FDFT1: variants seen among roughly 807,000 people sequenced by gnomAD.
FDFT1 encodes squalene synthase.
FDFT1 carries 68 observed loss-of-function variants against 46.8 expected under a neutral mutation model. The ratio of observed to expected loss-of-function variants is 1.45; its 90% CI spans 1.19 to 1.78. The LOEUF (loss-of-function observed/expected upper bound fraction) is 1.78, where lower values mean the gene tolerates loss of function less well. Ranked by LOEUF, FDFT1 falls within the 40% of genes most tolerant of loss-of-function variation. FDFT1 has a pLI of 0.00. For missense variants in FDFT1, 928 were observed against 524.4 expected (o/e 1.77, Z -7.52); for synonymous variants, 351 against 185.1 (o/e 1.90, Z -7.28).
At chr8:11,797,638 C>CAAAAAA (rs34350077), upstream of FDFT1, among the ~76,000 whole-genome samples, 25 of 75,456 alleles carry the variant, frequency 3.3e-4, no homozygotes, top group South Asian at 1.3e-3. Context: ...CACACACACT[C>CAAAAAA]AAAAAAAAAA....
intron 5 of FDFT1, among the ~76,000 whole-genome samples, chr8:11,828,747 G>C (rs1810361007): frequency 6.6e-6 from 1 of 152,246 alleles, no homozygotes; most frequent in African/African-American, 2.4e-5. Flanking sequence ...ACATTTCGTA[G>C]TAGTTGAATC....
chr8:11,822,160 A>C (rs2130815088), intron 4 of FDFT1, among the ~76,000 whole-genome samples: 1 of 152,364 alleles, frequency 6.6e-6, no homozygotes, highest in Non-Finnish European at 1.5e-5. Flanking sequence ...ACTACACATC[A>C]AAACATAAGG....
chr8:11,830,554 G>C (rs553048453), intron 6 of FDFT1, 134 bp downstream of exon 6: 2 of 657,716 alleles, frequency 3.0e-6, no homozygotes, highest in Non-Finnish European at 5.2e-6. Context: ...TACGCTGGGA[G>C]TTTCATAGCA....
chr8:11,803,130 G>T (rs1034186967), intron 1 of FDFT1, 199 bp downstream of exon 1: 2 of 1,427,458 alleles, frequency 1.4e-6, no homozygotes, highest in South Asian at 1.4e-5. Flanking sequence ...ACCTGTCCCT[G>T]CCCCCGCAAG....
At chr8:11,797,624 C>G (rs552985558), upstream of FDFT1, among the ~76,000 whole-genome samples, 29 of 124,760 alleles carry the variant, frequency 2.3e-4, no homozygotes, top group South Asian at 2.0e-3. Context: ...CCCTGTCTGT[C>G]TCTCACACAC....
intron 4 of FDFT1, 72 bp from the exon 5 acceptor site, chr8:11,825,952 C>A: frequency 9.5e-7 from 1 of 1,051,024 alleles, no homozygotes; most frequent in Non-Finnish European, 1.3e-6. Context: ...TTTTTTGTAG[C>A]TAATGATCTC....
At chr8:11,818,558 A>C (rs934678781) in intron 3 of FDFT1, among the ~76,000 whole-genome samples, 4 of 152,232 alleles carry the variant, frequency 2.6e-5, no homozygotes, top group African/African-American at 9.7e-5. Context: ...TATTGGGTAC[A>C]TATATGTTTA....
At chr8:11,806,544 G>A (rs910232735) in intron 1 of FDFT1, among the ~76,000 whole-genome samples, 1 of 152,172 alleles carries the variant, frequency 6.6e-6, no homozygotes, top group African/African-American at 2.4e-5. Context: ...AGGAGGGGTA[G>A]TGTTCTTGAA....
At chr8:11,830,505 A>G in intron 6 of FDFT1, 85 bp downstream of exon 6, 1 of 940,018 alleles carries the variant, frequency 1.1e-6, no homozygotes, top group Non-Finnish European at 1.7e-6. Flanking sequence ...GCTATATTCA[A>G]GGATATGATT....
intron 3 of FDFT1, among the ~76,000 whole-genome samples, chr8:11,815,020 C>G (rs1428703489): frequency 6.6e-6 from 1 of 152,130 alleles, no homozygotes; most frequent in African/African-American, 2.4e-5. Flanking sequence ...CCTCCCTTGG[C>G]CCCCCACCCC....
upstream of FDFT1, chr8:11,802,520 T>A (rs1170586615): frequency 1.9e-6 from 1 of 527,036 alleles, no homozygotes; most frequent in South Asian, 1.5e-5. Flanking sequence ...GGCCTCTTTC[T>A]CGGCCTCCAA....
chr8:11,816,298 G>A (rs1328227018), intron 3 of FDFT1, among the ~76,000 whole-genome samples: 1 of 152,194 alleles, frequency 6.6e-6, no homozygotes, highest in Admixed American at 6.5e-5. Context: ...AAGTCAGGTA[G>A]CGTGATGCCT....
At chr8:11,802,076 C>G, upstream of FDFT1, 3 of 455,466 alleles carry the variant, frequency 6.6e-6, no homozygotes, top group South Asian at 1.6e-5. Flanking sequence ...GCTTCAGCTC[C>G]TTTTTCTAGG....
At chr8:11,836,454 C>T (rs1250381842) in intron 7 of FDFT1, among the ~76,000 whole-genome samples, 4 of 152,246 alleles carry the variant, frequency 2.6e-5, no homozygotes, top group East Asian at 1.9e-4. Flanking sequence ...GTCCCCACAA[C>T]CCAGAGGAGG....
At chr8:11,809,950 C>T in intron 3 of FDFT1, 100 bp downstream of exon 3, 1 of 880,198 alleles carries the variant, frequency 1.1e-6, no homozygotes, top group Non-Finnish European at 1.7e-6. Context: ...GTTAAATAAG[C>T]ATTCTGAGGG....
chr8:11,831,707 T>A, intron 7 of FDFT1, 37 bp downstream of exon 7: 1 of 1,543,622 alleles, frequency 6.5e-7, no homozygotes, highest in Non-Finnish European at 9.0e-7. Flanking sequence ...AATTTGTAGC[T>A]ACTTTTATGA....
At chr8:11,802,001 G>A (rs1009838900), upstream of FDFT1, 2 of 455,844 alleles carry the variant, frequency 4.4e-6, no homozygotes, top group Admixed American at 2.3e-5. Context: ...GTAGCCAGTA[G>A]TTTCTAGGGC....
chr8:11,830,212 T>C, intron 5 of FDFT1, 32 bp from the exon 6 acceptor site: 1 of 1,564,382 alleles, frequency 6.4e-7, no homozygotes, highest in Non-Finnish European at 8.8e-7. Context: ...ATGCACACGC[T>C]GACCTGTTCC....
upstream of FDFT1, among the ~76,000 whole-genome samples, chr8:11,801,377 T>C (rs1454780109): frequency 2.0e-5 from 3 of 152,200 alleles, no homozygotes; most frequent in South Asian, 2.1e-4. Flanking sequence ...TGGAGTGCAA[T>C]AGCGCGATCT....
Sources: gnomAD v4.1 joint callset for allele counts (sites outside exome capture counted in the v4.1 genomes callset) on GRCh38, gnomAD v4.1.1 for gene constraint, MANE v1.5 for transcripts, NCBI Gene and HGNC (gene_info 2026-07-23, HGNC 2026-07-21) for gene names.